The following WWOX variants were observed in gnomAD, a reference collection of about 807,000 sequenced individuals.
The protein encoded by WWOX is WW domain containing oxidoreductase.
A neutral mutation model predicts 46.2 loss-of-function variants in WWOX; 69 were observed. The observed-to-expected ratio is 1.49, with a 90% CI of 1.23 to 1.82. The LOEUF is 1.82. Ranked by LOEUF, WWOX falls within the 40% of genes most tolerant of loss-of-function variation. The pLI, the probability that WWOX is intolerant of heterozygous loss-of-function variation, is 0.00. For missense variants in WWOX, 919 were observed against 542.6 expected (o/e 1.69, Z -6.89); for synonymous variants, 359 against 202.6 (o/e 1.77, Z -6.56).
chr16:78,992,664 C>T (rs1290146051), intron 8 of WWOX, among the ~76,000 whole-genome samples: 1 of 152,078 alleles, frequency 6.6e-6, no homozygotes, highest in African/African-American at 2.4e-5. Flanking sequence ...GGAAGTTGGC[C>T]CACAGAAGCC....
At chr16:78,144,466 CACATATATATATATATATAT>C (rs1567596364) in intron 4 of WWOX, among the ~76,000 whole-genome samples, 68 of 14,318 alleles carry the variant, frequency 4.7e-3, no homozygotes, top group Admixed American at 8.6e-3. Context: ...TATATATACA[CACATATATATATATATATAT>C]ACACACACAC....
At chr16:78,840,679 G>T (rs1156293615) in intron 8 of WWOX, among the ~76,000 whole-genome samples, 1 of 151,886 alleles carries the variant, frequency 6.6e-6, no homozygotes, top group South Asian at 2.1e-4. Flanking sequence ...AGTAGGTCTA[G>T]GTGGGGCCCG....
intron 8 of WWOX, among the ~76,000 whole-genome samples, chr16:79,095,191 C>T (rs751309401): frequency 1.2e-4 from 19 of 152,170 alleles, no homozygotes; most frequent in Admixed American, 2.0e-4. Flanking sequence ...TGTCTTTGTC[C>T]ACCTGTCGTT....
chr16:79,209,644 G>C (rs1211100295), intron 8 of WWOX, among the ~76,000 whole-genome samples: 1 of 152,136 alleles, frequency 6.6e-6, no homozygotes, highest in East Asian at 1.9e-4. Context: ...CAGATATCTG[G>C]AAGTTGATAC....
chr16:78,999,611 A>G (rs1035972918), intron 8 of WWOX, among the ~76,000 whole-genome samples: 3 of 152,182 alleles, frequency 2.0e-5, no homozygotes, highest in African/African-American at 7.2e-5. Flanking sequence ...AATTTTAGGA[A>G]TACTTTAATT....
intron 8 of WWOX, among the ~76,000 whole-genome samples, chr16:78,621,280 T>C (rs750763572): frequency 8.5e-5 from 13 of 152,092 alleles, no homozygotes; most frequent in African/African-American, 2.7e-4. Flanking sequence ...AACTGAACTT[T>C]CCATTAACTC....
chr16:79,137,845 G>C (rs1382971713), intron 8 of WWOX, among the ~76,000 whole-genome samples: 1 of 152,106 alleles, frequency 6.6e-6, no homozygotes, highest in African/African-American at 2.4e-5. Flanking sequence ...CCCGTCCTGG[G>C]GAGGCTGGGT....
rs572640585 is a variant in WWOX, at chr16:78,575,922, A to G, written c.1056+143170A>G. Among the ~76,000 whole-genome samples, 63 of 152,330 alleles carry G rather than the reference A, an allele frequency of 4.1e-4. 1 individual carries two copies. In the South Asian group the frequency reaches 0.013, roughly 31 times the overall value. ...TTTACCTCTTTATATAAAACATGCT[A>G]TATTAAAAGAGAGATTAAATTTTAC... On this transcript the variant is annotated intron_variant, in intron 8 of 8. Transcript: ENST00000566780.
chr16:79,122,398 A>T (rs1182899223), intron 8 of WWOX, among the ~76,000 whole-genome samples: 2 of 152,132 alleles, frequency 1.3e-5, no homozygotes, highest in African/African-American at 4.8e-5. Context: ...AATATTAAGA[A>T]CGGAGAAAAG....
At chr16:78,388,309 A>G (rs2082101590) in intron 6 of WWOX, among the ~76,000 whole-genome samples, 1 of 152,244 alleles carries the variant, frequency 6.6e-6, no homozygotes, top group African/African-American at 2.4e-5. Flanking sequence ...GGGATTACAC[A>G]CATGAACCAC....
rs144817707 is a variant in WWOX, at chr16:78,332,618, G to C, written c.517-54242G>C. ...AAGCGGGCAGGTAAACTGATTTTTT[G>C]GGTGGTTAATGATCTGATGATTTTC... On this transcript the variant is annotated intron_variant, in intron 5 of 8. Transcript: ENST00000566780. 5.5e-3 allele frequency among the ~76,000 whole-genome samples: 844 copies of C among 152,218 alleles called. 23 individuals carry two copies. Among genetic ancestry groups the C allele is most frequent in the Admixed American group, 0.043 (659 of 15,282 alleles).
In WWOX at chr16:78,115,104, G is replaced by A. The variant is rs1355355411; in HGVS notation, c.359G>A (p.Arg120Gln). The change falls in exon 4 of 9, where the codon CGG becomes CAG. Residue 120 changes from arginine (R) to glutamine (Q), a missense_variant. By Grantham distance (43) the Arg-to-Gln change is conservative (BLOSUM62 1). Coordinates refer to ENST00000566780, the MANE Select transcript of WWOX (RefSeq NM_016373.4). Reference protein sequence around the residue: ...STTAMEILQGRDFTGKVVVVT... With the variant: ...STTAMEILQGQDFTGKVVVVT... ...ACTGCCATGGAAATTCTCCAGGGCCGGGATTTCACTGGCAAAGTGGTTGTG... is the reference window on the plus strand; with the variant it reads ...ACTGCCATGGAAATTCTCCAGGGCCAGGATTTCACTGGCAAAGTGGTTGTG... 1.2e-6 allele frequency: 2 copies of A among 1,614,162 alleles called. No homozygotes were observed. Among genetic ancestry groups the A allele is most frequent in the African/African-American group, 2.7e-5 (2 of 75,034 alleles).
intron 8 of WWOX, among the ~76,000 whole-genome samples, chr16:78,815,093 G>A (rs1005427066): frequency 6.6e-6 from 1 of 152,214 alleles, no homozygotes; most frequent in Non-Finnish European, 1.5e-5. Flanking sequence ...GGGAGGCCGA[G>A]GTGGGCAGAT....
intron 5 of WWOX, among the ~76,000 whole-genome samples, chr16:78,328,969 C>G (rs2080697391): frequency 6.6e-6 from 1 of 152,072 alleles, no homozygotes; most frequent in East Asian, 1.9e-4. Flanking sequence ...TGAAGCGATT[C>G]TCCTGCCTCA....
intron 8 of WWOX, among the ~76,000 whole-genome samples, chr16:79,030,248 C>G (rs2047726402): frequency 6.6e-6 from 1 of 152,116 alleles, no homozygotes; most frequent in African/African-American, 2.4e-5. Context: ...TTTTATGATT[C>G]TACTCTTTTA....
chr16:78,888,002 A>T (rs1017024286), intron 8 of WWOX, among the ~76,000 whole-genome samples: 63 of 152,344 alleles, frequency 4.1e-4, no homozygotes, highest in Admixed American at 2.2e-3. Flanking sequence ...CCCACATTGG[A>T]CTTGTCAGAG....
intron 8 of WWOX, among the ~76,000 whole-genome samples, chr16:79,002,202 G>C (rs1478944743): frequency 1.4e-5 from 2 of 143,036 alleles, no homozygotes; most frequent in Non-Finnish European, 3.0e-5. Flanking sequence ...AGATTTCCTT[G>C]GGTGTCCTGC....
At chr16:79,127,727 C>G (rs573834649) in intron 8 of WWOX, among the ~76,000 whole-genome samples, 4 of 152,178 alleles carry the variant, frequency 2.6e-5, no homozygotes, top group Non-Finnish European at 5.9e-5. Flanking sequence ...TACATTCCCA[C>G]TAAGCAACAT....
intron 8 of WWOX, among the ~76,000 whole-genome samples, chr16:78,611,525 G>A (rs2045900013): frequency 6.6e-6 from 1 of 152,168 alleles, no homozygotes; most frequent in South Asian, 2.1e-4. Context: ...ACACTTATGG[G>A]AGGTACTGGC....
Sources: allele counts gnomAD v4.1 joint callset (sites outside exome capture counted in the v4.1 genomes callset), GRCh38; gene constraint gnomAD v4.1.1; transcripts MANE v1.5; gene names NCBI Gene and HGNC (gene_info 2026-07-23, HGNC 2026-07-21).